CLEC16A: variants seen among roughly 807,000 people sequenced by gnomAD.
CLEC16A encodes C-type lectin domain containing 16A.
CLEC16A carries 51 observed loss-of-function variants against 109.5 expected under a neutral mutation model. The ratio of observed to expected loss-of-function variants is 0.47; its 90% CI spans 0.37 to 0.59. The LOEUF (loss-of-function observed/expected upper bound fraction) is 0.59. Ranked by LOEUF, CLEC16A falls within the 20% of genes least tolerant of loss-of-function variation. CLEC16A has a pLI of 0.00. For synonymous variants in CLEC16A, 673 were observed against 564.2 expected, an observed-to-expected ratio of 1.19 and a Z score of -2.73; for missense variants, 1,339 against 1,394.0, an observed-to-expected ratio of 0.96 and a Z score of 0.63.
intron 13 of CLEC16A, among the ~76,000 whole-genome samples, chr16:11,033,513 G>T (rs1177404713): frequency 6.6e-6 from 1 of 152,154 alleles, no homozygotes; most frequent in Non-Finnish European, 1.5e-5. Context: ...CCTGGCCTGT[G>T]AGCACAGAGT....
chr16:10,960,768 T>G (rs78761459), intron 2 of CLEC16A, among the ~76,000 whole-genome samples: 3,863 of 152,340 alleles, frequency 0.025, 464 homozygotes, highest in Admixed American at 0.19. Context: ...CATTTGCTTA[T>G]ATTAATATGG....
chr16:11,036,436 G>C (rs566938452), intron 13 of CLEC16A, among the ~76,000 whole-genome samples: 2 of 152,126 alleles, frequency 1.3e-5, no homozygotes, highest in Admixed American at 6.6e-5. Context: ...TGAGCAGCTC[G>C]CCCCCTGAGA....
At chr16:11,082,672 C>A (rs1358846192) in intron 19 of CLEC16A, among the ~76,000 whole-genome samples, 1 of 152,118 alleles carries the variant, frequency 6.6e-6, no homozygotes, top group Non-Finnish European at 1.5e-5. Flanking sequence ...AGCTGGTGCT[C>A]CCTCTCCTCC....
chr16:11,157,272 G>C, intron 22 of CLEC16A: 12 of 1,174,004 alleles, frequency 1.0e-5, no homozygotes, highest in Non-Finnish European at 1.3e-5. Flanking sequence ...GGTCGCCCAT[G>C]GTGGCAGCTC....
chr16:11,177,046 C>T (rs1446987227), intron 23 of CLEC16A, among the ~76,000 whole-genome samples: 1 of 152,182 alleles, frequency 6.6e-6, no homozygotes, highest in Non-Finnish European at 1.5e-5. Flanking sequence ...TACCATGCTT[C>T]CCGGGTCCCA....
chr16:10,948,536 C>T (rs536930025), intron 1 of CLEC16A, among the ~76,000 whole-genome samples: 13 of 152,294 alleles, frequency 8.5e-5, no homozygotes, highest in Admixed American at 2.6e-4. Flanking sequence ...GTGATGGAAT[C>T]GTTTGATTGC....
intron 18 of CLEC16A, among the ~76,000 whole-genome samples, chr16:11,058,750 G>C (rs2048335232): frequency 6.6e-6 from 1 of 152,298 alleles, no homozygotes; most frequent in African/African-American, 2.4e-5. Context: ...TTTTCAGAGT[G>C]GTGGGCTGCA....
At chr16:11,009,008 A>T (rs1010628754) in intron 11 of CLEC16A, among the ~76,000 whole-genome samples, 10 of 152,090 alleles carry the variant, frequency 6.6e-5, no homozygotes, top group African/African-American at 2.4e-4. Flanking sequence ...CAAAAAAAAT[A>T]AAAAAGTACA....
At chr16:11,026,463 A>G (rs534145303) in intron 13 of CLEC16A, among the ~76,000 whole-genome samples, 6 of 152,090 alleles carry the variant, frequency 3.9e-5, no homozygotes, top group African/African-American at 1.4e-4. Context: ...TTTTTCCTTT[A>G]TTATCTTTTT....
chr16:11,146,182 T>C (rs1018049912), intron 22 of CLEC16A, among the ~76,000 whole-genome samples: 29 of 152,092 alleles, frequency 1.9e-4, no homozygotes, highest in African/African-American at 6.3e-4. Flanking sequence ...GGCAACCCTG[T>C]CCCCACTCCC....
At chr16:11,141,912 C>G (rs907055152) in intron 22 of CLEC16A, among the ~76,000 whole-genome samples, 1 of 152,210 alleles carries the variant, frequency 6.6e-6, no homozygotes, top group Non-Finnish European at 1.5e-5. Context: ...GAGAGGTGAG[C>G]TGACCAGCGC....
At chr16:10,993,808 C>G (rs991801497) in intron 10 of CLEC16A, among the ~76,000 whole-genome samples, 1 of 152,200 alleles carries the variant, frequency 6.6e-6, no homozygotes, top group Non-Finnish European at 1.5e-5. Flanking sequence ...TCGTGATGAT[C>G]TTGCAATTAA....
intron 11 of CLEC16A, among the ~76,000 whole-genome samples, chr16:11,019,215 C>A (rs559198003): frequency 2.0e-5 from 3 of 152,292 alleles, no homozygotes; most frequent in African/African-American, 7.2e-5. Flanking sequence ...AAAGTCCACG[C>A]CCGCACAGCC....
At chr16:11,019,646 G>A (rs2045976449) in intron 11 of CLEC16A, among the ~76,000 whole-genome samples, 1 of 152,090 alleles carries the variant, frequency 6.6e-6, no homozygotes, top group African/African-American at 2.4e-5. Flanking sequence ...GCAAGCGCCT[G>A]TAATCCCAGC....
At chr16:11,158,838 T>C (rs2054621440) in intron 22 of CLEC16A, among the ~76,000 whole-genome samples, 1 of 151,808 alleles carries the variant, frequency 6.6e-6, no homozygotes, top group Non-Finnish European at 1.5e-5. Context: ...GAGAATTGCT[T>C]GAACCTGGGA....
chr16:11,135,335 G>C (rs1049467362), intron 22 of CLEC16A, among the ~76,000 whole-genome samples: 1 of 152,204 alleles, frequency 6.6e-6, no homozygotes, highest in African/African-American at 2.4e-5. Flanking sequence ...CACAGCCAGA[G>C]AAGGAACCGC....
chr16:10,994,147 A>G (rs1351267448), intron 10 of CLEC16A, among the ~76,000 whole-genome samples: 1 of 152,158 alleles, frequency 6.6e-6, no homozygotes, highest in Non-Finnish European at 1.5e-5. Flanking sequence ...ATAACTGGTA[A>G]TTCATGGAGA....
intron 1 of CLEC16A, among the ~76,000 whole-genome samples, chr16:10,953,544 A>G (rs144553007): frequency 2.6e-3 from 393 of 152,326 alleles, no homozygotes; most frequent in Non-Finnish European, 4.5e-3. Context: ...AAGAACCTCT[A>G]CTCATCTAAA....
At chr16:10,963,003 G>C (rs755211535) in intron 3 of CLEC16A, among the ~76,000 whole-genome samples, 13 of 152,086 alleles carry the variant, frequency 8.5e-5, no homozygotes, top group Non-Finnish European at 7.3e-5. Context: ...GTTGCAGTGA[G>C]CCGTGATTGT....
Sources: gnomAD v4.1 joint callset for allele counts (sites outside exome capture counted in the v4.1 genomes callset) on GRCh38, gnomAD v4.1.1 for gene constraint, MANE v1.5 for transcripts, NCBI Gene and HGNC (gene_info 2026-07-23, HGNC 2026-07-21) for gene names.